The following CSMD1 variants were observed in gnomAD, a reference collection of about 807,000 sequenced individuals.
The protein encoded by CSMD1 is CUB and Sushi multiple domains 1, also known as CUB and sushi domain-containing protein 1.
CSMD1 carries 213 observed loss-of-function variants against 417.5 expected under a neutral mutation model. The observed-to-expected ratio is 0.51, with a 90% confidence interval of 0.46 to 0.57. CSMD1 has a LOEUF of 0.57. Ranked by LOEUF, CSMD1 falls within the 20% of genes least tolerant of loss-of-function variation. CSMD1 has a pLI of 0.00. For missense variants in CSMD1, 6,923 were observed against 4,529.7 expected, an observed-to-expected ratio of 1.53 and a Z score of -15.17; for synonymous variants, 2,862 against 1,736.8, an observed-to-expected ratio of 1.65 and a Z score of -16.11.
At chr8:3,004,582 T>A (rs1000631120) in intron 52 of CSMD1, among the ~76,000 whole-genome samples, 3 of 152,210 alleles carry the variant, frequency 2.0e-5, no homozygotes, top group Non-Finnish European at 4.4e-5. Context: ...TGTATATAGA[T>A]AGACAATGTA....
At chr8:4,407,861 A>G (rs1389611565) in intron 3 of CSMD1, among the ~76,000 whole-genome samples, 1 of 152,194 alleles carries the variant, frequency 6.6e-6, no homozygotes, top group Non-Finnish European at 1.5e-5. Context: ...TCAGATGTGG[A>G]ATGTTGAAAG....
intron 2 of CSMD1, among the ~76,000 whole-genome samples, chr8:4,576,180 C>G (rs1280735529): frequency 6.6e-6 from 1 of 152,238 alleles, no homozygotes; most frequent in African/African-American, 2.4e-5. Context: ...GTGCACTAAG[C>G]TGTATCAGCT....
chr8:3,939,747 C>G (rs75241376), intron 5 of CSMD1, among the ~76,000 whole-genome samples: 17 of 152,204 alleles, frequency 1.1e-4, no homozygotes, highest in African/African-American at 3.9e-4. Context: ...GACCATTAGT[C>G]TAAGTGCAGT....
At chr8:4,022,232 T>C (rs1455197334) in intron 4 of CSMD1, among the ~76,000 whole-genome samples, 1 of 149,396 alleles carries the variant, frequency 6.7e-6, no homozygotes, top group East Asian at 1.9e-4. Flanking sequence ...ATAAAGGTGC[T>C]GACTATTTTG....
At chr8:4,766,565 C>T (rs1008833189) in intron 1 of CSMD1, among the ~76,000 whole-genome samples, 4 of 152,160 alleles carry the variant, frequency 2.6e-5, no homozygotes, top group Non-Finnish European at 5.9e-5. Flanking sequence ...GCTTTCTGCC[C>T]AAATCTTGCC....
chr8:2,950,180 G>A, intron 67 of CSMD1, 51 bp downstream of exon 67: 1 of 1,184,798 alleles, frequency 8.4e-7, no homozygotes, highest in Non-Finnish European at 1.3e-6. Context: ...TCTGCACAGA[G>A]AGATGATTAG....
chr8:3,334,637 A>G (rs1807129766), intron 23 of CSMD1, among the ~76,000 whole-genome samples: 1 of 152,246 alleles, frequency 6.6e-6, no homozygotes, highest in Non-Finnish European at 1.5e-5. Context: ...TCAATATCAG[A>G]TCACCCACCT....
At chr8:4,738,903 T>TTGTGTGTG (rs34836566) in intron 1 of CSMD1, among the ~76,000 whole-genome samples, 49 of 147,492 alleles carry the variant, frequency 3.3e-4, no homozygotes, top group African/African-American at 1.1e-3. Flanking sequence ...TTCTGTGTGT[T>TTGTGTGTG]TGTGTGTGTG....
intron 54 of CSMD1, among the ~76,000 whole-genome samples, chr8:2,993,818 T>C (rs548059593): frequency 6.6e-6 from 1 of 152,030 alleles, no homozygotes; most frequent in African/African-American, 2.4e-5. Context: ...GTTACTCCCC[T>C]GCATTGAAGA....
chr8:4,741,136 T>C (rs1188317465), intron 1 of CSMD1, among the ~76,000 whole-genome samples: 2 of 152,150 alleles, frequency 1.3e-5, no homozygotes, highest in Non-Finnish European at 2.9e-5. Flanking sequence ...CCAGAGCAAA[T>C]GTGTACACCC....
intron 3 of CSMD1, among the ~76,000 whole-genome samples, chr8:4,388,864 A>T (rs74790139): frequency 0.011 from 1,691 of 152,316 alleles, 31 homozygotes; most frequent in African/African-American, 0.038. Flanking sequence ...TAAAACTTTG[A>T]AATCAGCTGA....
chr8:4,806,419 C>A (rs1446735691), intron 1 of CSMD1, among the ~76,000 whole-genome samples: 1 of 152,066 alleles, frequency 6.6e-6, no homozygotes, highest in East Asian at 1.9e-4. Context: ...CCATAAAAGT[C>A]CCCTGGATGA....
chr8:4,732,327 G>A (rs1242335095), intron 1 of CSMD1, among the ~76,000 whole-genome samples: 1 of 144,290 alleles, frequency 6.9e-6, no homozygotes, highest in East Asian at 2.1e-4. Context: ...AGAGTTAATA[G>A]ATTTAAATTT....
At chr8:3,714,195 C>A (rs1408241830) in intron 6 of CSMD1, among the ~76,000 whole-genome samples, 1 of 150,330 alleles carries the variant, frequency 6.7e-6, no homozygotes, top group African/African-American at 2.4e-5. Flanking sequence ...TAATAAGCTC[C>A]ATATATAACA....
At chr8:4,843,377 G>A (rs772095677) in intron 1 of CSMD1, among the ~76,000 whole-genome samples, 3 of 152,062 alleles carry the variant, frequency 2.0e-5, no homozygotes, top group Non-Finnish European at 2.9e-5. Flanking sequence ...GGATGATTAC[G>A]ACCTTAAGAA....
chr8:3,177,207 G>C (rs572514908), intron 37 of CSMD1, among the ~76,000 whole-genome samples: 14 of 152,204 alleles, frequency 9.2e-5, no homozygotes, highest in Non-Finnish European at 1.8e-4. Flanking sequence ...ACTGTCGCAA[G>C]TGGAGCCTGG....
At chr8:4,164,009 A>G (rs1308918702) in intron 3 of CSMD1, among the ~76,000 whole-genome samples, 1 of 152,208 alleles carries the variant, frequency 6.6e-6, no homozygotes, top group Non-Finnish European at 1.5e-5. Flanking sequence ...AGGAGAAATT[A>G]AATAAGCAGA....
chr8:4,412,529 A>C (rs11786224), intron 3 of CSMD1, among the ~76,000 whole-genome samples: 1 of 152,096 alleles, frequency 6.6e-6, no homozygotes, highest in African/African-American at 2.4e-5. Flanking sequence ...ATTTTATCGG[A>C]AAATTACCCA....
intron 5 of CSMD1, among the ~76,000 whole-genome samples, chr8:3,898,430 T>A (rs775627116): frequency 2.6e-5 from 4 of 152,216 alleles, no homozygotes; most frequent in Non-Finnish European, 5.9e-5. Flanking sequence ...TTAAAGTTTG[T>A]GTGACATGTC....
Sources: allele counts gnomAD v4.1 joint callset (sites outside exome capture counted in the v4.1 genomes callset), GRCh38; gene constraint gnomAD v4.1.1; transcripts MANE v1.5; gene names NCBI Gene and HGNC (gene_info 2026-07-23, HGNC 2026-07-21).